Variants in SHLD1 observed in about 807,000 individuals in gnomAD.
SHLD1 encodes the protein shieldin complex subunit 1.
SHLD1 carries 3 observed loss-of-function variants against 5.5 expected under a neutral mutation model. That is an observed-to-expected ratio of 0.54 (90% CI 0.25 to 1.40). The LOEUF is 1.40. SHLD1 is among the 40% of genes most tolerant of loss of function. The probability of loss-of-function intolerance (pLI) is 0.15; values close to 1 mark genes in which losing one functional copy is unlikely to be tolerated. For synonymous variants in SHLD1, 92 were observed against 94.3 expected (o/e 0.98, Z 0.14); for missense variants, 210 against 244.4 (o/e 0.86, Z 0.94).
chr20:5,845,376 A>G lies in SHLD1; in HGVS notation c.179-17648A>G, dbSNP rs940239385. 4.6e-5 allele frequency among the ~76,000 whole-genome samples: 7 copies of G among 152,218 alleles called. No individual in the cohort carries two copies. In the South Asian group the frequency reaches 1.2e-3, roughly 27 times the overall value. On this transcript the variant is annotated intron_variant, in intron 2 of 2. Transcript: ENST00000303142. ...TTCAGAGATGTGAAGTAACTTGCCC[A>G]GGATCTCATAGCCAGTAAAGGACTT...
At chr20:5,813,165 C>CA (rs1012188317) in intron 2 of SHLD1, among the ~76,000 whole-genome samples, 1 of 151,966 alleles carries the variant, frequency 6.6e-6, no homozygotes, top group African/African-American at 2.4e-5. Flanking sequence ...CGTGAGTCAC[C>CA]ATGCCTGGTC....
At chr20:5,844,794 TATATA>T (rs201097303) in intron 2 of SHLD1, among the ~76,000 whole-genome samples, 38 of 99,466 alleles carry the variant, frequency 3.8e-4, no homozygotes, top group African/African-American at 1.8e-3. Context: ...TATATATATA[TATATA>T]TTTTTTTTTT....
At chr20:5,824,980 C>G (rs1255595596) in intron 2 of SHLD1, among the ~76,000 whole-genome samples, 1 of 152,168 alleles carries the variant, frequency 6.6e-6, no homozygotes, top group East Asian at 1.9e-4. Context: ...TGAGTCCCTC[C>G]TGTTATACCC....
At position 5,855,756 on chromosome 20, in the gene SHLD1, A is replaced by G. The variant is rs1343044337; in HGVS notation, c.179-7268A>G. Among the ~76,000 whole-genome samples, 1 of 152,194 alleles carries G rather than the reference A, an allele frequency of 6.6e-6. No individual in the cohort carries two copies. Among genetic ancestry groups the G allele is most frequent in the Non-Finnish European group, 1.5e-5 (1 of 68,042 alleles). ...GGCTAATGTGAATATGAGAAATGCA[A>G]TTTGAAATAGTGTGCCCAGGAAATG... On this transcript the variant is annotated intron_variant, in intron 2 of 2. Transcript: ENST00000303142. This position sits in a 1 kb window ranked among gnomAD's most constrained non-coding sequence, Gnocchi z 4.4.
intron 2 of SHLD1, among the ~76,000 whole-genome samples, chr20:5,824,834 T>C (rs2087648039): frequency 6.6e-6 from 1 of 152,240 alleles, no homozygotes; most frequent in Non-Finnish European, 1.5e-5. Flanking sequence ...AACATTTAGA[T>C]TGTTTTTCAA....
Position 5,811,168 on chromosome 20 carries a change from C to T in SHLD1, c.178+38125C>T, listed in dbSNP as rs193123393. Among the ~76,000 whole-genome samples the T allele has an allele frequency of 9.2e-5, 14 of 152,258 alleles. No individual in the cohort carries two copies. The East Asian group carries it at 2.7e-3, about 29-fold the overall frequency. Reference sequence around the variant, plus strand: ...CCAGGCAGGAAAAGGCTTATTCTCTCCAAATTACGTACCAGAAGCCACAGC... The same window carrying T: ...CCAGGCAGGAAAAGGCTTATTCTCTTCAAATTACGTACCAGAAGCCACAGC... On this transcript the variant is annotated intron_variant, in intron 2 of 2. Coordinates refer to ENST00000303142, the MANE Select transcript of SHLD1 (RefSeq NM_152504.4).
At chr20:5,824,982 G>A (rs771431222) in intron 2 of SHLD1, among the ~76,000 whole-genome samples, 1 of 152,148 alleles carries the variant, frequency 6.6e-6, no homozygotes, top group Non-Finnish European at 1.5e-5. Flanking sequence ...AGTCCCTCCT[G>A]TTATACCCCA....
At position 5,820,114 on chromosome 20, in the gene SHLD1, A is replaced by G. The variant is rs6107704; in HGVS notation, c.179-42910A>G. On this transcript the variant is annotated intron_variant, in intron 2 of 2. Coordinates refer to ENST00000303142, the MANE Select transcript of SHLD1 (RefSeq NM_152504.4). Reference sequence around the variant, plus strand: ...AGGCGTGTGCCACCATGCCTGGCTGATTTTTCTATTTTTAGTAGAGACAAG... The same window carrying G: ...AGGCGTGTGCCACCATGCCTGGCTGGTTTTTCTATTTTTAGTAGAGACAAG... 2.2e-3 allele frequency among the ~76,000 whole-genome samples: 332 copies of G among 151,662 alleles called. 2 individuals are homozygous for G. The highest frequency in any genetic ancestry group is 7.9e-3 in the African/African-American group (325 of 41,324).
intron 2 of SHLD1, among the ~76,000 whole-genome samples, chr20:5,783,460 T>C (rs562247210): frequency 2.3e-4 from 35 of 152,188 alleles, no homozygotes; most frequent in African/African-American, 7.9e-4. Context: ...CTGACCTCAG[T>C]TGATCCACCT....
chr20:5,844,312 C>T lies in SHLD1; in HGVS notation c.179-18712C>T, dbSNP rs77157225. On this transcript the variant is annotated intron_variant, in intron 2 of 2. Coordinates refer to ENST00000303142, the MANE Select transcript of SHLD1 (RefSeq NM_152504.4). ...CTGTTTCTCTTCTTCAGTGTATTTA[C>T]TAACTCAAACTTTTCCTGAAGCTCT... is the stretch of plus-strand genomic sequence containing the variant. Among the ~76,000 whole-genome samples the T allele has an allele frequency of 3.0e-3, 459 of 152,290 alleles. 2 individuals are homozygous for T. The highest frequency in any genetic ancestry group is 0.01 in the African/African-American group (426 of 41,542).
chr20:5,851,759 G>T (rs182191342), intron 2 of SHLD1, among the ~76,000 whole-genome samples: 1 of 151,786 alleles, frequency 6.6e-6, no homozygotes, highest in African/African-American at 2.4e-5. Context: ...TGTCTGTCCC[G>T]TCTAAATCTC....
chr20:5,772,193 C>T (rs534140310), intron 1 of SHLD1: 1 of 454,080 alleles, frequency 2.2e-6, no homozygotes, highest in Non-Finnish European at 4.4e-6. Flanking sequence ...ACCTTTTTGC[C>T]TAAAGAAAGT....
chr20:5,811,019 A>G (rs1158831481), intron 2 of SHLD1, among the ~76,000 whole-genome samples: 3 of 152,214 alleles, frequency 2.0e-5, no homozygotes, highest in Non-Finnish European at 4.4e-5. Flanking sequence ...TATATCACAT[A>G]AGACACTTCA....
intron 2 of SHLD1, among the ~76,000 whole-genome samples, chr20:5,826,841 G>C (rs1386873979): frequency 6.6e-6 from 1 of 152,134 alleles, no homozygotes; most frequent in Non-Finnish European, 1.5e-5. Context: ...AAGAGGGCCT[G>C]GCACGCATAG....
rs2087413361 is a variant in SHLD1, at chr20:5,808,432, C to A, written c.178+35389C>A. Among the ~76,000 whole-genome samples the A allele has an allele frequency of 2.0e-5, 3 of 152,154 alleles. No individual in the cohort carries two copies. The South Asian group carries it at 6.2e-4, about 32-fold the overall frequency. On this transcript the variant is annotated intron_variant, in intron 2 of 2. Transcript: ENST00000303142. ...CATGTGTATATTGTACACACACAAA[C>A]AGCACGTATATCTTTTTTTCTAAAT...
intron 2 of SHLD1, among the ~76,000 whole-genome samples, chr20:5,803,346 T>C (rs977041675): frequency 7.2e-5 from 11 of 152,040 alleles, no homozygotes; most frequent in African/African-American, 2.7e-4. Flanking sequence ...AAAAAAATTC[T>C]TTTGTAGAGA....
intron 2 of SHLD1, among the ~76,000 whole-genome samples, chr20:5,807,552 T>C (rs1368744301): frequency 6.6e-6 from 1 of 152,100 alleles, no homozygotes; most frequent in Non-Finnish European, 1.5e-5. Context: ...TTACATTTTT[T>C]TGTAGAGTTG....
intron 2 of SHLD1, among the ~76,000 whole-genome samples, chr20:5,811,708 T>C (rs982314061): frequency 1.4e-4 from 22 of 151,856 alleles, no homozygotes; most frequent in South Asian, 4.2e-4. Context: ...ATTTAAAAAT[T>C]AGCCAGGTGT....
chr20:5,772,797 C>A, intron 1 of SHLD1, 65 bp from the exon 2 acceptor site: 1 of 1,371,108 alleles, frequency 7.3e-7, no homozygotes, highest in Non-Finnish European at 1.0e-6. Context: ...CAAGCTCTGT[C>A]TCCAATGAAG....
Sources: gnomAD v4.1 joint callset for allele counts (sites outside exome capture counted in the v4.1 genomes callset) on GRCh38, gnomAD v4.1.1 for gene constraint, Gnocchi (gnomAD v3.1) non-coding constraint, MANE v1.5 for transcripts, NCBI Gene and HGNC (gene_info 2026-07-23, HGNC 2026-07-21) for gene names.